NLRP8: variants seen among roughly 807,000 people sequenced by gnomAD.
NLRP8 encodes the protein NACHT, LRR and PYD domains-containing protein 8.
In NLRP8, 86 loss-of-function variants were observed where a neutral mutation model predicts 88.7. The observed-to-expected ratio is 0.97, with a 90% CI of 0.81 to 1.16. The LOEUF (loss-of-function observed/expected upper bound fraction) is 1.16. NLRP8 is among the 50% of genes most tolerant of loss of function. The pLI is 0.00. For synonymous variants in NLRP8, 504 were observed against 494.6 expected (o/e 1.02, Z -0.25); for missense variants, 1,342 against 1,286.5 (o/e 1.04, Z -0.66).
rs114671992 is a variant in NLRP8 at position 55,986,301 on chromosome 19, A to G, written c.3048-1513A>G. ...ACACTCACACTCACACACACACTCT[A>G]TCATACACAGTCTCTCACACACACA... On this transcript the variant is annotated intron_variant, in intron 9 of 9. Transcript: ENST00000291971. Among the ~76,000 whole-genome samples, 1,360 of 148,254 alleles carry G rather than the reference A, an allele frequency of 9.2e-3. 22 individuals are homozygous for G. Among genetic ancestry groups the G allele is most frequent in the African/African-American group, 0.032 (1,271 of 40,062 alleles).
chr19:55,980,621 C>G (rs550985332), intron 9 of NLRP8, among the ~76,000 whole-genome samples: 1 of 152,204 alleles, frequency 6.6e-6, no homozygotes, highest in South Asian at 2.1e-4. Context: ...GGGAGTTGCT[C>G]ATGACATTGC....
At chr19:55,968,258 G>T (rs1363330926) in intron 5 of NLRP8, among the ~76,000 whole-genome samples, 3 of 151,948 alleles carry the variant, frequency 2.0e-5, no homozygotes, top group Admixed American at 6.6e-5. Context: ...GGCCAACATG[G>T]CAAAACCCCG....
At chr19:55,986,806 G>T (rs1027361551) in intron 9 of NLRP8, among the ~76,000 whole-genome samples, 28 of 152,062 alleles carry the variant, frequency 1.8e-4, no homozygotes, top group Admixed American at 3.9e-4. Flanking sequence ...GCTCTTGGTG[G>T]TGAGGTGTGA....
intron 3 of NLRP8, among the ~76,000 whole-genome samples, chr19:55,961,565 G>A (rs1979610505): frequency 6.6e-6 from 1 of 152,122 alleles, no homozygotes; most frequent in African/African-American, 2.4e-5. Context: ...ACTTTGGGAG[G>A]CCAAGGCAGG....
chr19:55,971,665 A>ACG (rs907240359), intron 6 of NLRP8, among the ~76,000 whole-genome samples: 19 of 113,152 alleles, frequency 1.7e-4, no homozygotes, highest in Admixed American at 2.6e-4. Context: ...ACACACACAC[A>ACG]CGCACACACA....
chr19:55,951,578 G>T (rs1979095725), intron 1 of NLRP8, among the ~76,000 whole-genome samples: 1 of 152,168 alleles, frequency 6.6e-6, no homozygotes, highest in Non-Finnish European at 1.5e-5. Flanking sequence ...TTGGTTCCAG[G>T]CTCTCCCTCA....
intron 6 of NLRP8, among the ~76,000 whole-genome samples, chr19:55,972,536 C>A (rs570253662): frequency 9.9e-5 from 15 of 152,072 alleles, no homozygotes; most frequent in African/African-American, 3.6e-4. Flanking sequence ...AACATCCGAG[C>A]AGTGTACACT....
chr19:55,956,090 C>G lies in NLRP8; in HGVS notation c.2032C>G (p.Pro678Ala). ...GTGGAAGCTCAGCTCCAGCTCCCAT[C>G]CTGGCTCTGAGTAAGTGCTTCGGTC... is the stretch of plus-strand genomic sequence containing the variant. The change falls in exon 3 of 10, where the codon CCT (proline) becomes GCT (alanine). Residue 678 changes from proline (P) to alanine (A), a missense_variant. By Grantham distance (27) the Pro-to-Ala change is conservative. Coordinates refer to ENST00000291971, the MANE Select transcript of NLRP8 (RefSeq NM_176811.2). 1 of 1,611,874 alleles carries G rather than the reference C, an allele frequency of 6.2e-7. No individual in the cohort carries two copies. The highest frequency in any genetic ancestry group is 8.5e-7 in the Non-Finnish European group (1 of 1,178,654).
rs747215559 is a variant in NLRP8, at chr19:55,955,535, C to A, written c.1477C>A (p.Leu493Ile). ...CACCGCCTTCCTTGGCATGAGTATT[C>A]TTCGGAGAATTGCAGGTGAGGAAGA... The change falls in exon 3 of 10, where the codon CTT becomes ATT. Residue 493 changes from leucine (L) to isoleucine (I), a missense_variant. By Grantham distance (5) the Leu-to-Ile change is conservative. Coordinates refer to ENST00000291971, the MANE Select transcript of NLRP8 (RefSeq NM_176811.2). 2.5e-6 allele frequency: 4 copies of A among 1,614,032 alleles called. No homozygotes were observed. The East Asian group carries it at 6.7e-5, about 27-fold the overall frequency.
intron 3 of NLRP8, among the ~76,000 whole-genome samples, chr19:55,956,473 A>ACC (rs1373692069): frequency 1.3e-5 from 2 of 151,936 alleles, no homozygotes; most frequent in African/African-American, 4.8e-5. Context: ...CAAACTCCTG[A>ACC]CCTCAGGTCA....
rs1979300934 is a variant in NLRP8, at chr19:55,955,438, C to G, written c.1380C>G (p.Asp460Glu). The G allele has an allele frequency of 1.2e-6, 2 of 1,614,074 alleles. No individual in the cohort carries two copies. Among genetic ancestry groups the G allele is most frequent in the Admixed American group, 3.3e-5 (2 of 60,004 alleles). The change falls in exon 3 of 10, where the codon GAC (aspartate) becomes GAG (glutamate). Residue 460 changes from aspartate to glutamate, a missense_variant. Coordinates refer to ENST00000291971, the MANE Select transcript of NLRP8 (RefSeq NM_176811.2). Reference sequence around the variant, plus strand: ...AAGGTCTGTGTCACTTGGCCGCAGACAGCATGTGGCACAGGAAATGGGTGT... The same window carrying G: ...AAGGTCTGTGTCACTTGGCCGCAGAGAGCATGTGGCACAGGAAATGGGTGT...
intron 8 of NLRP8, among the ~76,000 whole-genome samples, chr19:55,977,063 G>T (rs1980373712): frequency 6.9e-6 from 1 of 145,486 alleles, no homozygotes; most frequent in Non-Finnish European, 1.5e-5. Flanking sequence ...CTGGGCCACA[G>T]AGTGAGACTC....
At position 55,984,393 on chromosome 19, in the gene NLRP8, G is replaced by A. The variant is rs183707396; in HGVS notation, c.3048-3421G>A. Among the ~76,000 whole-genome samples, 15 of 152,150 alleles carry A rather than the reference G, an allele frequency of 9.9e-5. No individual in the cohort carries two copies. The East Asian group carries it at 2.5e-3, about 25-fold the overall frequency. Reference sequence around the variant, plus strand: ...GTTGTGGCCGGGCGCAGTGGCTCACGCCTGTAATCACAGCACTTTGGGAGG... The same window carrying A: ...GTTGTGGCCGGGCGCAGTGGCTCACACCTGTAATCACAGCACTTTGGGAGG... On this transcript the variant is annotated intron_variant, in intron 9 of 9. Transcript: ENST00000291971.
Position 55,970,541 on chromosome 19 carries a change from C to T in NLRP8, c.2382-3C>T. The T allele has an allele frequency of 1.2e-6, 2 of 1,613,910 alleles. No individual in the cohort carries two copies. Among genetic ancestry groups the T allele is most frequent in the Non-Finnish European group, 1.7e-6 (2 of 1,179,918 alleles). On this transcript the variant is annotated splice_polypyrimidine_tract_variant and splice_region_variant and intron_variant, in intron 5 of 9. Coordinates refer to ENST00000291971, the MANE Select transcript of NLRP8 (RefSeq NM_176811.2). ...GCTCAGCATTTGTATCTGGCTTCTA[C>T]AGGTTGGAAGACTGCTTGGCCACCC...
intron 6 of NLRP8, among the ~76,000 whole-genome samples, chr19:55,970,976 C>G (rs2123213436): frequency 6.6e-6 from 1 of 152,236 alleles, no homozygotes; most frequent in East Asian, 1.9e-4. Flanking sequence ...AAATAGAACT[C>G]ATCAGTTCTG....
chr19:55,978,900 G>A lies in NLRP8; in HGVS notation c.2877-494G>A, dbSNP rs373522331. On this transcript the variant is annotated intron_variant, in intron 8 of 9. Coordinates refer to ENST00000291971, the MANE Select transcript of NLRP8 (RefSeq NM_176811.2). ...GGTCACACCACTGCACTCCAGCCTG[G>A]GCAACAGAGTGAGACTCAGTCTCCA... is the stretch of plus-strand genomic sequence containing the variant. Among the ~76,000 whole-genome samples, 5 of 152,118 alleles carry A rather than the reference G, an allele frequency of 3.3e-5. No individual in the cohort carries two copies. In the East Asian group the frequency reaches 9.7e-4, roughly 29 times the overall value.
chr19:55,981,889 G>T (rs1178007591), intron 9 of NLRP8, among the ~76,000 whole-genome samples: 2 of 132,204 alleles, frequency 1.5e-5, no homozygotes, highest in Non-Finnish European at 3.2e-5. Flanking sequence ...TATCATCCAG[G>T]TTGGTTTCTC....
At chr19:55,972,407 A>G (rs1162549386) in intron 6 of NLRP8, among the ~76,000 whole-genome samples, 2 of 138,966 alleles carry the variant, frequency 1.4e-5, no homozygotes, top group East Asian at 2.0e-4. Context: ...GAGCCACTGC[A>G]CCTAGTCTTT....
chr19:55,963,938 T>G (rs1979726532), intron 4 of NLRP8, among the ~76,000 whole-genome samples: 1 of 152,116 alleles, frequency 6.6e-6, no homozygotes, highest in Non-Finnish European at 1.5e-5. Context: ...ACATGAATGC[T>G]CTTAAAACTC....
Sources: gnomAD v4.1 joint callset for allele counts (sites outside exome capture counted in the v4.1 genomes callset) on GRCh38, gnomAD v4.1.1 for gene constraint, MANE v1.5 for transcripts, NCBI Gene and HGNC (gene_info 2026-07-23, HGNC 2026-07-21) for gene names.